The following SUZ12 variants were observed in gnomAD, a reference collection of about 807,000 sequenced individuals.
SUZ12 encodes the protein SUZ12 polycomb repressive complex 2 subunit, also known as polycomb protein SUZ12.
Under a neutral mutation model 87.3 loss-of-function variants are expected in SUZ12, and 17 were observed. The observed-to-expected ratio is 0.19, with a 90% CI of 0.13 to 0.29. The LOEUF is 0.29. Among genes scored for constraint, SUZ12 ranks in the 10% least tolerant of loss-of-function variants. The probability of loss-of-function intolerance (pLI) is 1.00; values close to 1 mark genes in which losing one functional copy is unlikely to be tolerated. For missense variants in SUZ12, 526 were observed against 912.2 expected, an observed-to-expected ratio of 0.58 and a Z score of 5.45; for synonymous variants, 253 against 312.4, an observed-to-expected ratio of 0.81 and a Z score of 2.01.
chr17:31,954,349 C>G (rs1907174761), intron 4 of SUZ12, among the ~76,000 whole-genome samples: 1 of 152,222 alleles, frequency 6.6e-6, no homozygotes, highest in African/African-American at 2.4e-5. Flanking sequence ...GCGTGAGCCT[C>G]TGCGCCCAGC....
chr17:31,943,394 CTG>C (rs566694859), intron 3 of SUZ12, among the ~76,000 whole-genome samples: 57 of 152,106 alleles, frequency 3.7e-4, no homozygotes, highest in Non-Finnish European at 7.5e-4. Context: ...AAATGTCAAT[CTG>C]TAAATTTTTT....
rs483301 is a variant in SUZ12 at position 31,966,379 on chromosome 17, G to T, written c.505+183G>T. 0.12 allele frequency: 73,073 copies of T among 587,506 alleles called. 5,459 individuals carry two copies. The highest frequency in any genetic ancestry group is 0.19 in the Middle Eastern group (391 of 2,044). 36.4% of individuals were successfully genotyped at this position (587,506 alleles called of 1,614,324 possible). A position where few individuals can be genotyped will look rare whatever the true frequency, so the allele number is the denominator to read the frequency against. ...ATGAAATTTGTTTTTGGTGGATGGG[G>T]GTGCAGAGTGAAGGCTGGAGTGCAA... is the stretch of plus-strand genomic sequence containing the variant. On this transcript the variant is annotated intron_variant, in intron 5 of 15. Transcript: ENST00000322652.
At chr17:31,964,414 T>G (rs1285315060) in intron 4 of SUZ12, among the ~76,000 whole-genome samples, 1 of 98,642 alleles carries the variant, frequency 1.0e-5, no homozygotes, top group Admixed American at 8.9e-5. Flanking sequence ...ACTCTGTAGG[T>G]TTTTTTTTTT....
chr17:31,937,087 C>CCCTCCTCT lies in SUZ12; in HGVS notation c.-152_-145dup, dbSNP rs1905967955. 1.7e-6 allele frequency: 1 copy of CCCTCCTCT among 585,866 alleles called. No individual in the cohort carries two copies. Among genetic ancestry groups the CCCTCCTCT allele is most frequent in the Non-Finnish European group, 2.6e-6 (1 of 379,024 alleles). 36.3% of individuals were successfully genotyped at this position (585,866 alleles called of 1,614,324 possible). On this transcript the variant is annotated 5_prime_UTR_variant, in exon 1 of 16. Transcript: ENST00000322652. Reference sequence around the variant, plus strand: ...GACACTTTTTTTTTCCTCCCTCCTTCCCTCCTCTCCTCCTCCCTTCCCTTC... The same window carrying CCCTCCTCT: ...GACACTTTTTTTTTCCTCCCTCCTTCCCTCCTCTCCTCCTCTCCTCCTCCCTTCCCTTC...
intron 5 of SUZ12, among the ~76,000 whole-genome samples, chr17:31,967,783 G>A (rs201361274): frequency 6.6e-6 from 1 of 152,074 alleles, no homozygotes; most frequent in African/African-American, 2.4e-5. Flanking sequence ...GCAGGATGGC[G>A]TAAGCTCAGG....
intron 1 of SUZ12, among the ~76,000 whole-genome samples, chr17:31,938,205 T>C (rs888734583): frequency 3.9e-5 from 6 of 152,208 alleles, no homozygotes; most frequent in African/African-American, 1.2e-4. Flanking sequence ...AACTGACTTA[T>C]TTGGAAAGGA....
chr17:31,970,429 A>T (rs1320046510), intron 5 of SUZ12, among the ~76,000 whole-genome samples: 1 of 152,062 alleles, frequency 6.6e-6, no homozygotes, highest in Non-Finnish European at 1.5e-5. Flanking sequence ...GGAGTTTGAG[A>T]CCAGCCTGGC....
intron 14 of SUZ12, 108 bp from the exon 15 acceptor site, chr17:31,996,690 C>A: frequency 1.5e-6 from 1 of 653,996 alleles, no homozygotes; most frequent in Non-Finnish European, 2.5e-6. Context: ...TGCCACTTTG[C>A]TGTATAAATA....
At chr17:31,941,476 C>T (rs1238655528) in intron 3 of SUZ12, among the ~76,000 whole-genome samples, 3 of 151,772 alleles carry the variant, frequency 2.0e-5, no homozygotes, top group Admixed American at 6.6e-5. Context: ...AGGCTGGTCT[C>T]GAACTCCTGA....
At chr17:31,976,733 A>G (rs1215065087) in intron 8 of SUZ12, 119 bp downstream of exon 8, 2 of 776,594 alleles carry the variant, frequency 2.6e-6, no homozygotes, top group African/African-American at 1.8e-5. Context: ...ATTCTTACGG[A>G]TGAAAAAACA....
intron 4 of SUZ12, among the ~76,000 whole-genome samples, chr17:31,952,645 C>T (rs1417535766): frequency 6.6e-6 from 1 of 152,160 alleles, no homozygotes; most frequent in Non-Finnish European, 1.5e-5. Context: ...TTACTGCAAC[C>T]TCCTCTTCCT....
At chr17:31,953,568 T>A (rs916029102) in intron 4 of SUZ12, among the ~76,000 whole-genome samples, 1 of 151,482 alleles carries the variant, frequency 6.6e-6, no homozygotes, top group African/African-American at 2.4e-5. Context: ...CTGTCACACC[T>A]CACTAATTTT....
intron 9 of SUZ12, among the ~76,000 whole-genome samples, chr17:31,985,869 G>A (rs1208842612): frequency 6.6e-6 from 1 of 151,886 alleles, no homozygotes; most frequent in Non-Finnish European, 1.5e-5. Flanking sequence ...CACCATGTTG[G>A]CCAGGCTGGT....
In SUZ12 at chr17:32,000,585, T is replaced by G. The variant is rs2142225394; in HGVS notation, c.*1582T>G. 4.3e-6 allele frequency: 1 copy of G among 232,126 alleles called. No individual in the cohort carries two copies. Among genetic ancestry groups the G allele is most frequent in the African/African-American group, 2.2e-5 (1 of 45,190 alleles). 14.4% of individuals were successfully genotyped at this position (232,126 alleles called of 1,614,324 possible). Reference sequence around the variant, plus strand: ...GATTTTTGCCTCTGGATAGTAGATCTCGAGCGTTTATCTCGGGCTTTAATT... The same window carrying G: ...GATTTTTGCCTCTGGATAGTAGATCGCGAGCGTTTATCTCGGGCTTTAATT... On this transcript the variant is annotated 3_prime_UTR_variant, in exon 16 of 16. Coordinates refer to ENST00000322652, the MANE Select transcript of SUZ12 (RefSeq NM_015355.4).
intron 3 of SUZ12, 106 bp from the exon 4 acceptor site, chr17:31,947,511 T>C: frequency 7.3e-7 from 1 of 1,374,792 alleles, no homozygotes; most frequent in Non-Finnish European, 9.9e-7. Context: ...TTACTAAAAA[T>C]AATCAAAATC....
chr17:31,979,127 AATTC>A (rs1485350166), intron 8 of SUZ12, among the ~76,000 whole-genome samples: 7 of 123,032 alleles, frequency 5.7e-5, no homozygotes, highest in East Asian at 2.8e-4. Flanking sequence ...AAAAAAAAAG[AATTC>A]AAAACGATAG....
At chr17:31,991,339 C>T (rs1909710146) in intron 10 of SUZ12, among the ~76,000 whole-genome samples, 1 of 143,922 alleles carries the variant, frequency 6.9e-6, no homozygotes, top group South Asian at 2.1e-4. Flanking sequence ...ATAGTGACAC[C>T]CTGTCGCTTA....
At position 31,937,404 on chromosome 17, in the gene SUZ12, C is replaced by T. The variant is rs1382104532; in HGVS notation, c.158C>T (p.Ser53Leu). ...GGSCGGGGSY[S>L]ASSSSSAAAA... is the part of the protein sequence containing the mutation. ...AGCTGTGGAGGGGGTGGCAGTTACTCGGCCTCCTCCTCCTCCTCCGCGGCG... is the reference window on the plus strand; with the variant it reads ...AGCTGTGGAGGGGGTGGCAGTTACTTGGCCTCCTCCTCCTCCTCCGCGGCG... The change falls in exon 1 of 16, where the codon TCG becomes TTG. Residue 53 changes from serine to leucine, a missense_variant. This residue lies in a region of SUZ12 where 92 missense variants were observed against 109.9 expected (regional missense o/e 0.84). Transcript: ENST00000322652. The T allele has an allele frequency of 2.6e-6, 4 of 1,539,556 alleles. No individual in the cohort carries two copies. Among genetic ancestry groups the T allele is most frequent in the East Asian group, 5.1e-5 (2 of 39,576 alleles).
chr17:31,958,795 G>A (rs1280005398), intron 4 of SUZ12, among the ~76,000 whole-genome samples: 2 of 152,104 alleles, frequency 1.3e-5, no homozygotes, highest in East Asian at 1.9e-4. Flanking sequence ...GCAGTGAGCC[G>A]AGATTACACC....
Sources: allele counts gnomAD v4.1 joint callset (sites outside exome capture counted in the v4.1 genomes callset), GRCh38; gene constraint gnomAD v4.1.1; regional missense constraint gnomAD v4.1.1; transcripts MANE v1.5; gene names NCBI Gene and HGNC (gene_info 2026-07-23, HGNC 2026-07-21).